AHCTF1: variants seen among roughly 807,000 people sequenced by gnomAD.
AHCTF1 encodes the protein AT-hook containing transcription factor 1.
A neutral mutation model predicts 248.4 loss-of-function variants in AHCTF1; 24 were observed. That is an observed-to-expected ratio of 0.10 (90% CI 0.07 to 0.14). The LOEUF (loss-of-function observed/expected upper bound fraction) is 0.14, where lower values mean the gene tolerates loss of function less well. Among genes scored for constraint, AHCTF1 ranks in the 10% least tolerant of loss-of-function variants. The pLI is 1.00. For missense variants in AHCTF1, 2,206 were observed against 2,636.2 expected, an observed-to-expected ratio of 0.84 and a Z score of 3.57; for synonymous variants, 786 against 929.8, an observed-to-expected ratio of 0.85 and a Z score of 2.81.
At chr1:246,880,350 G>A (rs1276700912) in intron 21 of AHCTF1, among the ~76,000 whole-genome samples, 2 of 151,842 alleles carry the variant, frequency 1.3e-5, no homozygotes, top group African/African-American at 4.8e-5. Context: ...AGATCACGAG[G>A]TCAGGAATTC....
At chr1:246,902,975 T>C (rs1665112247) in intron 7 of AHCTF1, among the ~76,000 whole-genome samples, 1 of 152,332 alleles carries the variant, frequency 6.6e-6, no homozygotes, top group African/African-American at 2.4e-5. Flanking sequence ...TATATGCATA[T>C]ATCTCAGACC....
chr1:246,845,102 T>G (rs935120355), intron 33 of AHCTF1, among the ~76,000 whole-genome samples: 2 of 152,248 alleles, frequency 1.3e-5, no homozygotes, highest in Non-Finnish European at 2.9e-5. Context: ...GAATATCATT[T>G]ACAAACCCTT....
At chr1:246,873,485 TGTACTAGAGACA>T in intron 24 of AHCTF1, among the ~76,000 whole-genome samples, 1 of 152,006 alleles carries the variant, frequency 6.6e-6, no homozygotes, top group African/African-American at 2.4e-5. Context: ...CAATACTAAA[TGTACTAGAGACA>T]ATACACTAGT....
chr1:246,876,159 C>T lies in AHCTF1; in HGVS notation c.2966G>A (p.Arg989Lys). The change falls in exon 24 of 36, where the codon AGA becomes AAA. Residue 989 changes from arginine (R) to lysine (K), a missense_variant. This residue lies in a region of AHCTF1 where 955 missense variants were observed against 1,055.6 expected (regional missense o/e 0.90). Transcript: ENST00000648844. ...TAATATAGAATTTCGAGCCAGTGAT[C>T]TCTCCCGCAAACGAGGATCACGATC... ...MNDRDPRLRE[R>K]SLARNSILDQ... 6.2e-7 allele frequency: 1 copy of T among 1,601,444 alleles called. No individual in the cohort carries two copies. The highest frequency in any genetic ancestry group is 1.1e-5 in the South Asian group (1 of 88,934).
rs1049444409 is a variant in AHCTF1 at position 246,894,660 on chromosome 1, T to C, written c.1803A>G (p.Leu601=). 5.6e-6 allele frequency: 9 copies of C among 1,611,290 alleles called. No individual in the cohort carries two copies. The highest frequency in any genetic ancestry group is 1.1e-5 in the South Asian group (1 of 90,980). Residue 601 remains leucine (L), a splice_region_variant and synonymous_variant, in exon 14 of 36, where the codon CTA becomes CTG. Transcript: ENST00000648844. Reference sequence around the variant, plus strand: ...TACATCTAGACCTCTAATACTTACATAGTCTGTCAAATTCCTCTTTTGTGA... The same window carrying C: ...TACATCTAGACCTCTAATACTTACACAGTCTGTCAAATTCCTCTTTTGTGA... ...VVLTKEEFDR[L]CVPLFDGSCH... is the part of the protein sequence containing the mutation.
At chr1:246,861,609 A>C (rs1203829296) in intron 28 of AHCTF1, among the ~76,000 whole-genome samples, 1 of 152,190 alleles carries the variant, frequency 6.6e-6, no homozygotes, top group Non-Finnish European at 1.5e-5. Flanking sequence ...AAAAACATAT[A>C]ACTAGTTAGA....
At chr1:246,925,197 T>C (rs1055092465) in intron 1 of AHCTF1, among the ~76,000 whole-genome samples, 2 of 152,198 alleles carry the variant, frequency 1.3e-5, no homozygotes, top group Non-Finnish European at 2.9e-5. Flanking sequence ...AGTAGCTTTT[T>C]ACAAAGTGTA....
intron 24 of AHCTF1, among the ~76,000 whole-genome samples, chr1:246,870,402 G>A (rs1662504930): frequency 6.6e-6 from 1 of 152,066 alleles, no homozygotes; most frequent in African/African-American, 2.4e-5. Context: ...GAGCATCTGT[G>A]ACAGACAAAG....
At chr1:246,882,998 G>A (rs183980650) in intron 21 of AHCTF1, among the ~76,000 whole-genome samples, 1 of 152,278 alleles carries the variant, frequency 6.6e-6, no homozygotes, top group Non-Finnish European at 1.5e-5. Flanking sequence ...CAAAGATTTT[G>A]CTCTTAACAT....
At chr1:246,861,500 A>C (rs1201897306) in intron 28 of AHCTF1, among the ~76,000 whole-genome samples, 1 of 152,236 alleles carries the variant, frequency 6.6e-6, no homozygotes, top group Non-Finnish European at 1.5e-5. Context: ...TTGGTAATAT[A>C]CCAGTATTTT....
intron 33 of AHCTF1, among the ~76,000 whole-genome samples, chr1:246,845,399 C>CA (rs1437551822): frequency 1.3e-5 from 2 of 151,872 alleles, no homozygotes; most frequent in African/African-American, 4.8e-5. Flanking sequence ...TATCAGATAT[C>CA]AGAAATATAT....
chr1:246,897,347 G>T (rs533517033), intron 12 of AHCTF1, among the ~76,000 whole-genome samples: 1 of 152,122 alleles, frequency 6.6e-6, no homozygotes, highest in African/African-American at 2.4e-5. Context: ...ACAAATAAAC[G>T]AAAAAAGTCT....
At chr1:246,894,540 T>C in intron 14 of AHCTF1, 119 bp downstream of exon 14, 1 of 835,740 alleles carries the variant, frequency 1.2e-6, no homozygotes, top group Non-Finnish European at 1.8e-6. Context: ...AGACTCAGTC[T>C]CAAAAAAAGA....
intron 8 of AHCTF1, 82 bp downstream of exon 8, chr1:246,902,443 G>A (rs1665070647): frequency 6.7e-7 from 1 of 1,497,680 alleles, no homozygotes; most frequent in South Asian, 1.3e-5. Flanking sequence ...GAACTGCCAG[G>A]AGTATGAAAT....
At chr1:246,842,816 G>A (rs969101280) in intron 34 of AHCTF1, 40 bp from the exon 35 acceptor site, 8 of 1,540,366 alleles carry the variant, frequency 5.2e-6, no homozygotes, top group South Asian at 1.1e-5. Context: ...TATTAAACAC[G>A]AATCCAATTT....
intron 35 of AHCTF1, 138 bp from the exon 36 acceptor site, chr1:246,841,136 A>G (rs1659836467): frequency 1.4e-6 from 1 of 690,286 alleles, no homozygotes; most frequent in East Asian, 3.1e-5. Context: ...TTTCAAGGGA[A>G]CTGAAGTGAA....
rs981304724 is a variant in AHCTF1 at position 246,886,869 on chromosome 1, C to A, written c.2472+342G>T. ...ACCCTATCACACTATTTTATAAGATCTTCCCATCACCAATTTCATATATCA... is the reference window on the plus strand; with the variant it reads ...ACCCTATCACACTATTTTATAAGATATTCCCATCACCAATTTCATATATCA... On this transcript the variant is annotated intron_variant, in intron 20 of 35. Coordinates refer to ENST00000648844, the MANE Select transcript of AHCTF1 (RefSeq NM_001323342.2). Among the ~76,000 whole-genome samples the A allele has an allele frequency of 5.3e-5, 8 of 152,238 alleles. No individual in the cohort carries two copies. In the East Asian group the frequency reaches 9.6e-4, roughly 18 times the overall value.
intron 24 of AHCTF1, among the ~76,000 whole-genome samples, chr1:246,871,815 G>A (rs1027821010): frequency 6.6e-6 from 1 of 151,874 alleles, no homozygotes; most frequent in African/African-American, 2.4e-5. Context: ...GGTAGCAGTG[G>A]CCTACTGCCA....
At chr1:246,883,266 T>G (rs116252630) in intron 21 of AHCTF1, among the ~76,000 whole-genome samples, 3,780 of 152,312 alleles carry the variant, frequency 0.025, 72 homozygotes, top group Non-Finnish European at 0.039. Context: ...GCTTAACTTC[T>G]CGGACTTTTA....
Sources: gnomAD v4.1 joint callset for allele counts (sites outside exome capture counted in the v4.1 genomes callset) on GRCh38, gnomAD v4.1.1 for gene constraint, gnomAD v4.1.1 regional missense constraint, MANE v1.5 for transcripts, NCBI Gene and HGNC (gene_info 2026-07-23, HGNC 2026-07-21) for gene names.